Variants in SAAL1 observed in about 807,000 individuals in gnomAD.
SAAL1 encodes protein SAAL1.
In SAAL1, 42 loss-of-function variants were observed where a neutral mutation model predicts 59.8. That is an observed-to-expected ratio of 0.70 (90% CI 0.55 to 0.91). The LOEUF (loss-of-function observed/expected upper bound fraction) is 0.91. SAAL1 is among the 40% of genes least tolerant of loss of function. SAAL1 has a pLI of 0.00. For missense variants in SAAL1, 542 were observed against 561.1 expected (o/e 0.97, Z 0.34); for synonymous variants, 191 against 194.3 (o/e 0.98, Z 0.14).
intron 1 of SAAL1, 119 bp downstream of exon 1, chr11:18,105,788 C>T (rs560572517): frequency 2.3e-6 from 3 of 1,290,406 alleles, no homozygotes; most frequent in East Asian, 2.7e-5. Flanking sequence ...CCGCAGCGCA[C>T]GCCTGGGGAG....
chr11:18,090,326 A>C (rs774894321), intron 5 of SAAL1, 36 bp from the exon 6 acceptor site: 239 of 391,514 alleles, frequency 6.1e-4, no homozygotes, highest in African/African-American at 6.1e-3. Context: ...TCTACTTTTC[A>C]AAAAAAAAAA....
At chr11:18,100,930 G>C (rs1361914514) in intron 2 of SAAL1, among the ~76,000 whole-genome samples, 2 of 152,040 alleles carry the variant, frequency 1.3e-5, no homozygotes, top group Non-Finnish European at 2.9e-5. Flanking sequence ...GAAAATGTAA[G>C]AAAACAACAC....
At chr11:18,095,259 C>A (rs1274685918) in intron 3 of SAAL1, among the ~76,000 whole-genome samples, 5 of 152,146 alleles carry the variant, frequency 3.3e-5, no homozygotes, top group Admixed American at 6.5e-5. Context: ...TAAAAGGTGC[C>A]ATTCCTGACA....
intron 10 of SAAL1, among the ~76,000 whole-genome samples, chr11:18,082,178 A>G (rs1848418005): frequency 6.6e-6 from 1 of 152,228 alleles, no homozygotes. Context: ...CTTGCTCCAA[A>G]AAACAGAAAC....
chr11:18,086,763 G>A, intron 9 of SAAL1, 103 bp downstream of exon 9: 4 of 606,194 alleles, frequency 6.6e-6, no homozygotes, highest in Non-Finnish European at 1.0e-5. Context: ...AATTTTTGAA[G>A]TTTAGCATGT....
chr11:18,083,341 T>G (rs1477674663), intron 10 of SAAL1, 194 bp downstream of exon 10: 1 of 428,164 alleles, frequency 2.3e-6, no homozygotes, highest in East Asian at 3.6e-5. Flanking sequence ...CATAGGCATA[T>G]GTCTGTCACA....
chr11:18,104,324 T>A (rs1590293839), intron 1 of SAAL1, among the ~76,000 whole-genome samples: 1 of 152,178 alleles, frequency 6.6e-6, no homozygotes, highest in African/African-American at 2.4e-5. Context: ...AATCTTCTTT[T>A]AAAAATGTAG....
At chr11:18,088,951 C>T (rs1053562861) in intron 7 of SAAL1, among the ~76,000 whole-genome samples, 7 of 152,108 alleles carry the variant, frequency 4.6e-5, no homozygotes, top group Non-Finnish European at 5.9e-5. Flanking sequence ...GTCCCAACAT[C>T]GGTCACTTAT....
At chr11:18,097,829 G>C (rs1189564803) in intron 2 of SAAL1, among the ~76,000 whole-genome samples, 1 of 109,368 alleles carries the variant, frequency 9.1e-6, no homozygotes, top group African/African-American at 4.2e-5. Context: ...AACACAGCGA[G>C]AAAAAAAGGA....
At position 18,087,047 on chromosome 11, in the gene SAAL1, A is replaced by T. The variant is rs1189371563; in HGVS notation, c.861T>A (p.Cys287Ter). ...VDDGIQAIVH[C>*]PDTGKDIWNL... The stretch of plus-strand genomic sequence containing the variant: ...TCCAAATGTCTTTTCCAGTGTCAGG[A>T]CAATGTACTTAATAAAGAGGACAAA... The change falls in exon 9 of 12, where the codon TGT becomes TGA. Residue 287 changes from cysteine to a stop codon, truncating the protein, a stop_gained. Transcript: ENST00000524803. LOFTEE classifies it high-confidence loss of function. 1 of 1,613,280 alleles carries T rather than the reference A, an allele frequency of 6.2e-7. No homozygotes were observed. Among genetic ancestry groups the T allele is most frequent in the East Asian group, 2.2e-5 (1 of 44,874 alleles).
Position 18,105,910 on chromosome 11 carries a change from G to A in SAAL1, c.132C>T (p.Ile44=), listed in dbSNP as rs771624025. 6.3e-7 allele frequency: 1 copy of A among 1,599,982 alleles called. No homozygotes were observed. ...CGCGTGGCGCGAGTTTCCACACCTG[G>A]ATGAGTCCGCTGAGGACGCCGAAGA... ...HWLFGVLSGL[I]QIVSPENTKS... Residue 44 remains isoleucine (I), a synonymous_variant, in exon 1 of 12, where the codon ATC becomes ATT. Transcript: ENST00000524803.
intron 1 of SAAL1, among the ~76,000 whole-genome samples, chr11:18,104,275 T>C (rs1848665549): frequency 6.6e-6 from 1 of 152,192 alleles, no homozygotes; most frequent in Admixed American, 6.5e-5. Context: ...CGTTTAGAAG[T>C]CACAAAGAGG....
chr11:18,089,362 C>T lies in SAAL1; in HGVS notation c.738G>A (p.Val246=), dbSNP rs763544168. 2 of 1,587,504 alleles carry T rather than the reference C, an allele frequency of 1.3e-6. No individual in the cohort carries two copies. Among genetic ancestry groups the T allele is most frequent in the Admixed American group, 1.9e-5 (1 of 51,764 alleles). The change falls in exon 7 of 12, where the codon GTG becomes GTA. Residue 246 remains valine, a synonymous_variant. Coordinates refer to ENST00000524803, the MANE Select transcript of SAAL1 (RefSeq NM_138421.3). The part of the protein sequence containing the change: ...ESEEQPVFRL[V]PCILEAAKQV... ...GTTTGGCAGCTTCAAGTATACAGGG[C>T]ACAAGCCGAAACACTGGCTGCTCTT...
chr11:18,090,077 C>CT (rs1484727443), intron 6 of SAAL1, 98 bp downstream of exon 6: 7 of 1,190,556 alleles, frequency 5.9e-6, no homozygotes, highest in Admixed American at 3.1e-5. Context: ...GCACTCAAGG[C>CT]TTTTTTTAAA....
intron 3 of SAAL1, among the ~76,000 whole-genome samples, chr11:18,092,800 T>G (rs1029886404): frequency 6.6e-6 from 1 of 152,094 alleles, no homozygotes; most frequent in African/African-American, 2.4e-5. Context: ...AGAATTAGAC[T>G]TAATCTGGGA....
chr11:18,101,636 G>A (rs1024733967), intron 2 of SAAL1, among the ~76,000 whole-genome samples: 1 of 152,098 alleles, frequency 6.6e-6, no homozygotes, highest in East Asian at 1.9e-4. Flanking sequence ...ATAGCAGTAT[G>A]AGAATGGACT....
At chr11:18,090,324 T>TAA (rs767418207) in intron 5 of SAAL1, 34 bp from the exon 6 acceptor site, 5 of 1,376,426 alleles carry the variant, frequency 3.6e-6, no homozygotes, top group Admixed American at 3.0e-5. Flanking sequence ...TTTCTACTTT[T>TAA]CAAAAAAAAA....
intron 7 of SAAL1, 23 bp from the exon 8 acceptor site, chr11:18,087,248 C>A (rs181631983): frequency 2.7e-6 from 4 of 1,476,372 alleles, no homozygotes; most frequent in African/African-American, 1.4e-5. Context: ...AGTAAAAGCA[C>A]TGAATCAACA....
At chr11:18,090,004 C>CT (rs1255559749) in intron 6 of SAAL1, among the ~76,000 whole-genome samples, 171 bp downstream of exon 6, 3 of 152,298 alleles carry the variant, frequency 2.0e-5, no homozygotes, top group Admixed American at 1.3e-4. Context: ...GCTATGATCA[C>CT]ACTACTGCAC....
Sources: gnomAD v4.1 joint callset for allele counts (sites outside exome capture counted in the v4.1 genomes callset) on GRCh38, gnomAD v4.1.1 for gene constraint, MANE v1.5 for transcripts, NCBI Gene and HGNC (gene_info 2026-07-23, HGNC 2026-07-21) for gene names.